AKAP13: variants seen among roughly 807,000 people sequenced by gnomAD.
AKAP13 encodes A-kinase anchor protein 13.
A neutral mutation model predicts 264.5 loss-of-function variants in AKAP13; 80 were observed. That is an observed-to-expected ratio of 0.30 (90% CI 0.25 to 0.36). AKAP13 has a LOEUF of 0.36. Among genes scored for constraint, AKAP13 ranks in the 10% least tolerant of loss-of-function variants. The probability of loss-of-function intolerance (pLI) is 1.00; values close to 1 mark genes in which losing one functional copy is unlikely to be tolerated. For synonymous variants in AKAP13, 1,380 were observed against 1,250.2 expected, an observed-to-expected ratio of 1.10 and a Z score of -2.19; for missense variants, 3,712 against 3,435.2, an observed-to-expected ratio of 1.08 and a Z score of -2.01.
intron 1 of AKAP13, chr15:85,415,282 T>C: frequency 6.3e-7 from 1 of 1,584,822 alleles, no homozygotes; most frequent in South Asian, 1.1e-5. Context: ...AGCAGAGGCT[T>C]TGATGAATAT....
chr15:85,533,955 TC>T lies in AKAP13; in HGVS notation c.478+76del, dbSNP rs1450088104. The T allele has an allele frequency of 4.9e-6, 7 of 1,429,884 alleles. No individual in the cohort carries two copies. In the Admixed American group the frequency reaches 7.9e-5, roughly 16 times the overall value. The allele number at this position is 1,429,884 out of a possible 1,614,324, so 88.6% of individuals were successfully genotyped here. A position where few individuals can be genotyped will look rare whatever the true frequency, so the allele number is the denominator to read the frequency against. On this transcript the variant is annotated intron_variant, in intron 4 of 36. Transcript: ENST00000394518. ...ACTTTTTTTTTAATGGGGCTACTTT[TC>T]TATGGTCATCATATTCAGGTCTTCC...
intron 8 of AKAP13, among the ~76,000 whole-genome samples, chr15:85,614,878 G>A (rs557049788): frequency 7.9e-5 from 12 of 152,290 alleles, no homozygotes; most frequent in African/African-American, 2.9e-4. Context: ...GAAGCACCTG[G>A]CAAACAGGAG....
chr15:85,669,601 G>A lies in AKAP13; in HGVS notation c.4993-121G>A, dbSNP rs573354714. The stretch of plus-strand genomic sequence containing the variant: ...AAGTCTGTCTGACCACAAGGCCTGT[G>A]CTCTCACCCGCTTCTTCACTGCCTT... On this transcript the variant is annotated intron_variant, in intron 13 of 36. Coordinates refer to ENST00000394518, the MANE Select transcript of AKAP13 (RefSeq NM_007200.5). 102 of 644,498 alleles carry A rather than the reference G, an allele frequency of 1.6e-4. 1 individual carries two copies. The highest frequency in any genetic ancestry group is 6.4e-4 in the Admixed American group (26 of 40,408). 39.9% of individuals were successfully genotyped at this position (644,498 alleles called of 1,614,324 possible).
At chr15:85,414,764 T>C (rs1008947786) in intron 1 of AKAP13, among the ~76,000 whole-genome samples, 2 of 152,240 alleles carry the variant, frequency 1.3e-5, no homozygotes, top group African/African-American at 4.8e-5. Flanking sequence ...AATGACAAAT[T>C]GAGATGTCCT....
At chr15:85,467,416 C>T (rs1240473175) in intron 1 of AKAP13, among the ~76,000 whole-genome samples, 1 of 152,040 alleles carries the variant, frequency 6.6e-6, no homozygotes, top group Non-Finnish European at 1.5e-5. Flanking sequence ...ACTGGGCCAC[C>T]ATTAATTGTT....
intron 5 of AKAP13, among the ~76,000 whole-genome samples, chr15:85,548,594 C>T (rs989693831): frequency 5.9e-5 from 9 of 151,908 alleles, no homozygotes; most frequent in Admixed American, 3.9e-4. Flanking sequence ...GTTATTTTAA[C>T]TAAAAAAAGA....
intron 14 of AKAP13, among the ~76,000 whole-genome samples, chr15:85,672,481 A>G (rs1266024832): frequency 2.0e-5 from 3 of 152,372 alleles, no homozygotes; most frequent in East Asian, 3.8e-4. Flanking sequence ...GATAACTGAT[A>G]CTTCATAATT....
chr15:85,430,674 C>T (rs958638184), intron 1 of AKAP13, among the ~76,000 whole-genome samples: 1 of 152,136 alleles, frequency 6.6e-6, no homozygotes, highest in Non-Finnish European at 1.5e-5. Flanking sequence ...CAGACAGTTA[C>T]TCTTTGGCCT....
intron 5 of AKAP13, among the ~76,000 whole-genome samples, chr15:85,555,090 G>T (rs1010703698): frequency 2.0e-5 from 3 of 151,916 alleles, no homozygotes; most frequent in African/African-American, 7.3e-5. Flanking sequence ...ATATCTTGTG[G>T]CCCTGGGTAT....
Position 85,601,877 on chromosome 15 carries a change from A to G in AKAP13, c.4161+16054A>G, listed in dbSNP as rs141626200. On this transcript the variant is annotated intron_variant, in intron 8 of 36. Coordinates refer to ENST00000394518, the MANE Select transcript of AKAP13 (RefSeq NM_007200.5). ...ATCATTATTAAAATTATATTTTTAT[A>G]AAGATATTTTTTCTACAAAAAATTA... 1.1e-3 allele frequency among the ~76,000 whole-genome samples: 173 copies of G among 152,136 alleles called. 1 individual carries two copies. Among genetic ancestry groups the G allele is most frequent in the African/African-American group, 4.1e-3 (170 of 41,556 alleles).
At chr15:85,661,681 A>G (rs2083352693) in intron 12 of AKAP13, among the ~76,000 whole-genome samples, 2 of 145,278 alleles carry the variant, frequency 1.4e-5, no homozygotes, top group African/African-American at 5.0e-5. Context: ...GGATCGCACC[A>G]TTACTCTCTA....
chr15:85,412,298 A>G (rs1001509193), intron 1 of AKAP13, among the ~76,000 whole-genome samples: 3 of 152,246 alleles, frequency 2.0e-5, no homozygotes, highest in Admixed American at 2.0e-4. Context: ...CCAAAAGACT[A>G]TTAAAATACT....
At chr15:85,553,147 C>A (rs931215477) in intron 5 of AKAP13, among the ~76,000 whole-genome samples, 1 of 130,756 alleles carries the variant, frequency 7.6e-6, no homozygotes, top group Admixed American at 8.7e-5. Context: ...AGTGCAATGG[C>A]GCGATCTCAG....
At chr15:85,716,497 A>G (rs2086956014) in intron 20 of AKAP13, among the ~76,000 whole-genome samples, 1 of 152,148 alleles carries the variant, frequency 6.6e-6, no homozygotes, top group Admixed American at 6.6e-5. Context: ...GCTGATAATG[A>G]TGTTGCTGAC....
chr15:85,622,531 C>T (rs1201382442), intron 8 of AKAP13, among the ~76,000 whole-genome samples: 2 of 152,132 alleles, frequency 1.3e-5, no homozygotes, highest in Non-Finnish European at 2.9e-5. Context: ...GATGCCTTAC[C>T]TCTCAGTGTA....
At position 85,579,341 on chromosome 15, in the gene AKAP13, A is replaced by C; in HGVS notation, c.1273A>C (p.Thr425Pro). The change falls in exon 7 of 37, where the codon ACT becomes CCT. Residue 425 changes from threonine (T) to proline (P), a missense_variant. This residue lies in a region of AKAP13 where 2,759 missense variants were observed against 2,411.7 expected (regional missense o/e 1.14). Transcript: ENST00000394518. ...GTCCTGTGGAAACAGAAATGAAGAA[A>C]CTGGAACAAAATCTTCTGGAATGCC... Reference protein sequence around the residue: ...LSSCGNRNEETGTKSSGMPTD... With the variant: ...LSSCGNRNEEPGTKSSGMPTD... 1.2e-6 allele frequency: 2 copies of C among 1,614,222 alleles called. No homozygotes were observed. Among genetic ancestry groups the C allele is most frequent in the Non-Finnish European group, 8.5e-7 (1 of 1,180,036 alleles).
Position 85,743,651 on chromosome 15 carries a change from G to C in AKAP13, c.8218G>C (p.Asp2740His). Reference protein sequence around the residue: ...KRNSISRTHKDKGPFHILSST... With the variant: ...KRNSISRTHKHKGPFHILSST... Reference sequence around the variant, plus strand: ...GAACAGCATCTCTCGGACACACAAAGATAAGGGGCCTTTTCACATACTGAG... The same window carrying C: ...GAACAGCATCTCTCGGACACACAAACATAAGGGGCCTTTTCACATACTGAG... Residue 2740 changes from aspartate (D) to histidine (H), a missense_variant, in exon 36 of 37, where the codon GAT becomes CAT. Around this residue, in one of 3 missense-constraint regions of AKAP13, gnomAD observed 611 missense variants for 539.3 expected, o/e 1.13. Coordinates refer to ENST00000394518, the MANE Select transcript of AKAP13 (RefSeq NM_007200.5). The C allele has an allele frequency of 6.2e-7, 1 of 1,614,118 alleles. No homozygotes were observed. The highest frequency in any genetic ancestry group is 8.5e-7 in the Non-Finnish European group (1 of 1,180,026).
At chr15:85,587,314 C>G (rs528470041) in intron 8 of AKAP13, among the ~76,000 whole-genome samples, 9 of 152,340 alleles carry the variant, frequency 5.9e-5, no homozygotes, top group Admixed American at 5.2e-4. Flanking sequence ...AATATGTGAT[C>G]TTTTGTCTCT....
intron 1 of AKAP13, among the ~76,000 whole-genome samples, chr15:85,402,442 G>A (rs950690639): frequency 2.0e-5 from 3 of 152,148 alleles, no homozygotes; most frequent in African/African-American, 4.8e-5. Context: ...CATGGTTAGG[G>A]AAATTTTACT....
Sources: allele counts gnomAD v4.1 joint callset (sites outside exome capture counted in the v4.1 genomes callset), GRCh38; gene constraint gnomAD v4.1.1; regional missense constraint gnomAD v4.1.1; transcripts MANE v1.5; gene names NCBI Gene and HGNC (gene_info 2026-07-23, HGNC 2026-07-21).